The following ADGB variants were observed in gnomAD, a reference collection of about 807,000 sequenced individuals.
ADGB encodes the protein calpain-7-like protein.
A neutral mutation model predicts 210.5 loss-of-function variants in ADGB; 172 were observed. The ratio of observed to expected loss-of-function variants is 0.82; its 90% confidence interval spans 0.72 to 0.93. The LOEUF (loss-of-function observed/expected upper bound fraction) is 0.93, where lower values mean the gene tolerates loss of function less well. Among genes scored for constraint, ADGB ranks in the 40% least tolerant of loss-of-function variants. The pLI is 0.00. For synonymous variants in ADGB, 658 were observed against 662.7 expected, an observed-to-expected ratio of 0.99 and a Z score of 0.11; for missense variants, 2,025 against 1,964.8, an observed-to-expected ratio of 1.03 and a Z score of -0.58.
chr6:146,674,897 A>G (rs928007312), intron 8 of ADGB, among the ~76,000 whole-genome samples: 1 of 152,152 alleles, frequency 6.6e-6, no homozygotes, highest in African/African-American at 2.4e-5. Context: ...AATTTTTATT[A>G]TGTATTATTT....
chr6:146,768,388 T>C (rs1562296390), intron 28 of ADGB, among the ~76,000 whole-genome samples: 1 of 152,040 alleles, frequency 6.6e-6, no homozygotes, highest in African/African-American at 2.4e-5. Context: ...CATACATAGG[T>C]AAATGGAACA....
At chr6:146,667,989 G>C (rs1161952360) in intron 7 of ADGB, among the ~76,000 whole-genome samples, 1 of 151,968 alleles carries the variant, frequency 6.6e-6, no homozygotes, top group Admixed American at 6.6e-5. Context: ...TGTGATTCTA[G>C]ATATAGAGAA....
chr6:146,654,617 GC>G (rs1279705556), intron 4 of ADGB, among the ~76,000 whole-genome samples: 4 of 152,070 alleles, frequency 2.6e-5, no homozygotes, highest in African/African-American at 7.2e-5. Flanking sequence ...CTCCCAAAGT[GC>G]TGGGATTACA....
At chr6:146,762,229 C>T (rs562387008) in intron 27 of ADGB, among the ~76,000 whole-genome samples, 2 of 152,034 alleles carry the variant, frequency 1.3e-5, no homozygotes, top group Non-Finnish European at 2.9e-5. Context: ...TTTTTTCACT[C>T]TGTGGTTCTA....
chr6:146,660,721 T>C (rs1464108190), intron 5 of ADGB, among the ~76,000 whole-genome samples: 4 of 152,172 alleles, frequency 2.6e-5, no homozygotes, highest in Non-Finnish European at 5.9e-5. Flanking sequence ...GTATATAGTC[T>C]TTGCCCATTT....
At chr6:146,752,765 T>C in intron 27 of ADGB, 51 bp downstream of exon 27, 1 of 1,433,326 alleles carries the variant, frequency 7.0e-7, no homozygotes, top group Non-Finnish European at 9.2e-7. Context: ...TGGATATTTA[T>C]GTTTTCATGA....
intron 1 of ADGB, among the ~76,000 whole-genome samples, chr6:146,612,704 A>G (rs1197334288): frequency 1.3e-5 from 2 of 152,200 alleles, no homozygotes; most frequent in African/African-American, 2.4e-5. Context: ...TTTGTCATCT[A>G]CCATTTTGCT....
chr6:146,741,046 G>A (rs1261860859), intron 24 of ADGB, 72 bp from the exon 25 acceptor site: 3 of 1,225,306 alleles, frequency 2.4e-6, no homozygotes, highest in Admixed American at 7.3e-5. Flanking sequence ...AAAATTTCTT[G>A]GCATTAATGC....
intron 12 of ADGB, among the ~76,000 whole-genome samples, chr6:146,696,252 T>C (rs1286735716): frequency 6.6e-6 from 1 of 152,036 alleles, no homozygotes; most frequent in East Asian, 1.9e-4. Context: ...ATTTTTGTAT[T>C]TTTTGTAGAG....
In ADGB at chr6:146,718,217, T is replaced by G. The variant is rs568015721; in HGVS notation, c.1992+618T>G. On this transcript the variant is annotated intron_variant, in intron 16 of 35. Coordinates refer to ENST00000397944, the MANE Select transcript of ADGB (RefSeq NM_024694.4). Reference sequence around the variant, plus strand: ...CAAAAATTAGCCAGGTGTGGTGGCATGCGCCTGTAATCTCAGCTACTCAGG... The same window carrying G: ...CAAAAATTAGCCAGGTGTGGTGGCAGGCGCCTGTAATCTCAGCTACTCAGG... Among the ~76,000 whole-genome samples, 15 of 152,076 alleles carry G rather than the reference T, an allele frequency of 9.9e-5. No individual in the cohort carries two copies. In the East Asian group the frequency reaches 1.9e-3, roughly 20 times the overall value.
At chr6:146,623,629 A>G (rs899889939) in intron 1 of ADGB, among the ~76,000 whole-genome samples, 1 of 151,924 alleles carries the variant, frequency 6.6e-6, no homozygotes, top group Non-Finnish European at 1.5e-5. Flanking sequence ...CAATCATGTC[A>G]TCTGCAAATG....
chr6:146,734,503 A>G (rs1481032953), intron 22 of ADGB, among the ~76,000 whole-genome samples: 1 of 152,262 alleles, frequency 6.6e-6, no homozygotes, highest in African/African-American at 2.4e-5. Context: ...ATGTATGTCC[A>G]TAGTGACACA....
chr6:146,709,666 T>C (rs1776631998), intron 13 of ADGB, among the ~76,000 whole-genome samples: 1 of 152,200 alleles, frequency 6.6e-6, no homozygotes. Context: ...TTGGGTGGCC[T>C]GGACCCTAGG....
chr6:146,724,154 C>A, intron 17 of ADGB, 32 bp from the exon 18 acceptor site: 2 of 1,523,358 alleles, frequency 1.3e-6, no homozygotes, highest in South Asian at 2.6e-5. Flanking sequence ...CTTTCATGAT[C>A]AAACTTTAAT....
At chr6:146,600,376 T>C in intron 1 of ADGB, 1 of 255,288 alleles carries the variant, frequency 3.9e-6, no homozygotes, top group Non-Finnish European at 8.3e-6. Context: ...CTGTATTACT[T>C]CTCTAAAGTT....
intron 2 of ADGB, chr6:146,638,908 A>C (rs557839611): frequency 4.9e-5 from 2 of 40,720 alleles, no homozygotes; most frequent in East Asian, 3.7e-4. Flanking sequence ...CACCTTCTGC[A>C]AAAAAAAAAA....
At chr6:146,640,991 A>G (rs959056188) in intron 2 of ADGB, among the ~76,000 whole-genome samples, 3 of 152,046 alleles carry the variant, frequency 2.0e-5, no homozygotes, top group African/African-American at 7.2e-5. Flanking sequence ...TGAAGACGAC[A>G]TAATTCTATA....
chr6:146,635,010 A>C (rs983134799), intron 1 of ADGB, among the ~76,000 whole-genome samples: 1 of 152,052 alleles, frequency 6.6e-6, no homozygotes, highest in Non-Finnish European at 1.5e-5. Flanking sequence ...TTTCAAAAAA[A>C]TATATGTAGA....
chr6:146,782,803 G>A (rs1777821439), intron 30 of ADGB, among the ~76,000 whole-genome samples: 1 of 152,006 alleles, frequency 6.6e-6, no homozygotes, highest in African/African-American at 2.4e-5. Context: ...CATGATTAGG[G>A]GTAAGGAAAA....
Sources: gnomAD v4.1 joint callset for allele counts (sites outside exome capture counted in the v4.1 genomes callset) on GRCh38, gnomAD v4.1.1 for gene constraint, MANE v1.5 for transcripts, NCBI Gene and HGNC (gene_info 2026-07-23, HGNC 2026-07-21) for gene names.